Variants in DMXL1 observed in about 807,000 individuals in gnomAD.
DMXL1 encodes dmX-like protein 1.
Under a neutral mutation model 319.2 loss-of-function variants are expected in DMXL1, and 99 were observed. That is an observed-to-expected ratio of 0.31 (90% CI 0.26 to 0.37). The LOEUF (loss-of-function observed/expected upper bound fraction) is 0.37. Among genes scored for constraint, DMXL1 ranks in the 10% least tolerant of loss-of-function variants. DMXL1 has a pLI of 1.00. For missense variants in DMXL1, 3,745 were observed against 3,595.6 expected (o/e 1.04, Z -1.06); for synonymous variants, 1,385 against 1,235.2 (o/e 1.12, Z -2.54).
chr5:119,113,302 C>T (rs941723484), intron 5 of DMXL1, among the ~76,000 whole-genome samples: 1 of 152,114 alleles, frequency 6.6e-6, no homozygotes, highest in Non-Finnish European at 1.5e-5. Context: ...AGTATGGTGG[C>T]GTGATCTTGG....
intron 1 of DMXL1, among the ~76,000 whole-genome samples, chr5:119,093,732 A>G (rs1490536795): frequency 2.6e-5 from 4 of 151,956 alleles, no homozygotes; most frequent in African/African-American, 9.7e-5. Flanking sequence ...ATGCAAAGGG[A>G]AAATTCCAAA....
intron 15 of DMXL1, among the ~76,000 whole-genome samples, chr5:119,146,401 AT>A (rs1768544608): frequency 6.6e-6 from 1 of 151,986 alleles, no homozygotes; most frequent in Admixed American, 6.6e-5. Flanking sequence ...GATATGTTTT[AT>A]AATGAAAACT....
intron 7 of DMXL1, among the ~76,000 whole-genome samples, chr5:119,116,652 T>C (rs896844400): frequency 6.6e-5 from 10 of 152,214 alleles, no homozygotes; most frequent in Non-Finnish European, 1.3e-4. Flanking sequence ...TTTCTCCAGA[T>C]TGTTGTTTGT....
intron 2 of DMXL1, among the ~76,000 whole-genome samples, chr5:119,099,001 G>A (rs1293770442): frequency 3.3e-5 from 5 of 152,072 alleles, no homozygotes; most frequent in East Asian, 3.8e-4. Context: ...ATTATAAAAC[G>A]AGTTTCTGTT....
Position 119,116,350 on chromosome 5 carries a change from T to C in DMXL1, c.743+14T>C, listed in dbSNP as rs750950028. The stretch of plus-strand genomic sequence containing the variant: ...ATATATGCCTAGGTCAGTGGATTGG[T>C]CATTTCCCTCCACATATTAAGGGAG... On this transcript the variant is annotated intron_variant, in intron 7 of 43. Coordinates refer to ENST00000539542, the MANE Select transcript of DMXL1 (RefSeq NM_001290321.3). 1.2e-6 allele frequency: 2 copies of C among 1,609,402 alleles called. No homozygotes were observed. The highest frequency in any genetic ancestry group is 1.7e-6 in the Non-Finnish European group (2 of 1,177,248).
chr5:119,084,485 C>G (rs1394231628), intron 1 of DMXL1, among the ~76,000 whole-genome samples: 1 of 152,102 alleles, frequency 6.6e-6, no homozygotes, highest in Admixed American at 6.5e-5. Context: ...GTGGCTCCAC[C>G]TAAATTTTAG....
At chr5:119,225,836 C>T (rs1297758029) in intron 38 of DMXL1, among the ~76,000 whole-genome samples, 1 of 152,064 alleles carries the variant, frequency 6.6e-6, no homozygotes, top group Non-Finnish European at 1.5e-5. Context: ...TTTTTACCCA[C>T]AAGTTTAATG....
chr5:119,173,732 G>A lies in DMXL1; in HGVS notation c.6682-1529G>A, dbSNP rs201697337. 2.9e-4 allele frequency among the ~76,000 whole-genome samples: 28 copies of A among 97,184 alleles called. No homozygotes were observed. In the East Asian group the frequency reaches 8.5e-3, roughly 30 times the overall value. The allele number at this position is 97,184 out of a possible 152,430, so 63.8% of individuals were successfully genotyped here. ...TATGTGTGTGTGTATATATATATAT[G>A]TGTGTATATATATATGTGTGTGTAT... is the stretch of plus-strand genomic sequence containing the variant. On this transcript the variant is annotated intron_variant, in intron 25 of 43. Transcript: ENST00000539542.
At chr5:119,231,314 T>G (rs539842151) in intron 38 of DMXL1, among the ~76,000 whole-genome samples, 1 of 152,222 alleles carries the variant, frequency 6.6e-6, no homozygotes, top group African/African-American at 2.4e-5. Flanking sequence ...TTTGAATTCC[T>G]TAAATTCAGA....
chr5:119,098,277 C>T (rs920660281), intron 2 of DMXL1, among the ~76,000 whole-genome samples, 173 bp downstream of exon 2: 1 of 152,092 alleles, frequency 6.6e-6, no homozygotes, highest in Non-Finnish European at 1.5e-5. Context: ...CAGAAATTCT[C>T]TTCTTATATA....
At chr5:119,085,509 ATGC>A (rs1449412759) in intron 1 of DMXL1, among the ~76,000 whole-genome samples, 1 of 152,088 alleles carries the variant, frequency 6.6e-6, no homozygotes, top group East Asian at 1.9e-4. Flanking sequence ...ATGTATAGAA[ATGC>A]TGCTGATTTT....
At chr5:119,099,645 A>G (rs1362325083) in intron 2 of DMXL1, among the ~76,000 whole-genome samples, 1 of 152,202 alleles carries the variant, frequency 6.6e-6, no homozygotes, top group African/African-American at 2.4e-5. Flanking sequence ...TAAAAATATA[A>G]TTTAATACTT....
At chr5:119,138,524 G>A (rs1163448469) in intron 13 of DMXL1, among the ~76,000 whole-genome samples, 2 of 152,156 alleles carry the variant, frequency 1.3e-5, no homozygotes, top group Non-Finnish European at 2.9e-5. Flanking sequence ...AGATTGCCAA[G>A]GGTGAGACTA....
intron 1 of DMXL1, among the ~76,000 whole-genome samples, chr5:119,086,524 T>C (rs1167203225): frequency 2.0e-5 from 3 of 152,214 alleles, no homozygotes; most frequent in Non-Finnish European, 4.4e-5. Context: ...GTTGTTGCTT[T>C]GTCTGGTTTT....
Position 119,143,891 on chromosome 5 carries a change from G to A in DMXL1, c.2427G>A (p.Arg809=). 1.9e-6 allele frequency: 3 copies of A among 1,586,900 alleles called. No homozygotes were observed. The highest frequency in any genetic ancestry group is 1.2e-5 in the South Asian group (1 of 85,678). Residue 809 remains arginine, a synonymous_variant, in exon 14 of 44, where the codon AGG becomes AGA. Transcript: ENST00000539542. ...TCGTCAGTCAACAATCAACAGCCAG[G>A]CCAGGATGCATTATTGCATTAGATC... The part of the protein sequence containing the change: ...FNIVSQQSTA[R]PGCIIALDPI...
At position 119,118,845 on chromosome 5, in the gene DMXL1, C is replaced by A; in HGVS notation, c.774C>A (p.Cys258Ter). The change falls in exon 8 of 44, where the codon TGC (cysteine) becomes TGA (stop). Residue 258 changes from cysteine to a stop codon, truncating the protein, a stop_gained. Coordinates refer to ENST00000539542, the MANE Select transcript of DMXL1 (RefSeq NM_001290321.3). LOFTEE classifies it high-confidence loss of function. Reference protein sequence around the residue: ...RASVCNVLLTCCKDNVCRLWV... With the variant: ...RASVCNVLLT Reference sequence around the variant, plus strand: ...CTGTATGTAATGTACTGTTGACTTGCTGCAAAGATAATGTGTGTCGTCTTT... The same window carrying A: ...CTGTATGTAATGTACTGTTGACTTGATGCAAAGATAATGTGTGTCGTCTTT... The A allele has an allele frequency of 6.2e-7, 1 of 1,613,044 alleles. No individual in the cohort carries two copies. The highest frequency in any genetic ancestry group is 8.5e-7 in the Non-Finnish European group (1 of 1,179,646).
At chr5:119,119,232 G>C (rs1047358271) in intron 8 of DMXL1, among the ~76,000 whole-genome samples, 1 of 152,150 alleles carries the variant, frequency 6.6e-6, no homozygotes, top group Non-Finnish European at 1.5e-5. Context: ...ATGATAAAAG[G>C]ATGATTACAT....
chr5:119,199,888 C>T (rs1581277905), intron 32 of DMXL1, among the ~76,000 whole-genome samples: 1 of 152,130 alleles, frequency 6.6e-6, no homozygotes, highest in Non-Finnish European at 1.5e-5. Flanking sequence ...TGCAAAGTGT[C>T]TGTTCATGTC....
At chr5:119,099,992 C>A (rs572922845) in intron 2 of DMXL1, among the ~76,000 whole-genome samples, 1 of 152,004 alleles carries the variant, frequency 6.6e-6, no homozygotes, top group Non-Finnish European at 1.5e-5. Context: ...CAAAGCAAGA[C>A]CCCATCTCTA....
Sources: allele counts gnomAD v4.1 joint callset (sites outside exome capture counted in the v4.1 genomes callset), GRCh38; gene constraint gnomAD v4.1.1; transcripts MANE v1.5; gene names NCBI Gene and HGNC (gene_info 2026-07-23, HGNC 2026-07-21).